Variants in LRRC37A2 observed in about 807,000 individuals in gnomAD.
LRRC37A2 encodes the protein leucine rich repeat containing 37 member A2.
In LRRC37A2, 9 loss-of-function variants were observed where a neutral mutation model predicts 68.8. The observed-to-expected ratio is 0.13, with a 90% CI of 0.08 to 0.23. LRRC37A2 has a LOEUF of 0.23. Ranked by LOEUF, LRRC37A2 falls within the 10% of genes least tolerant of loss-of-function variation. The pLI, the probability that LRRC37A2 is intolerant of heterozygous loss-of-function variation, is 1.00. For synonymous variants in LRRC37A2, 63 were observed against 367.6 expected, an observed-to-expected ratio of 0.17 and a Z score of 9.48; for missense variants, 168 against 950.4, an observed-to-expected ratio of 0.18 and a Z score of 10.82.
At chr17:46,642,533 T>TAGA in the LRRC37A2 span, among the ~76,000 whole-genome samples, 4 of 129,852 alleles carry the variant, frequency 3.1e-5, no homozygotes, top group Non-Finnish European at 4.6e-5. Context: ...AAACATGAGT[T>TAGA]TTGTAATCAT....
the LRRC37A2 span, among the ~76,000 whole-genome samples, chr17:46,873,687 C>T: frequency 3.1e-4 from 47 of 152,094 alleles, no homozygotes; most frequent in African/African-American, 1.1e-3. Context: ...GATGAAACCC[C>T]GTCTCTACTA....
At chr17:47,029,052 G>A in the LRRC37A2 span, among the ~76,000 whole-genome samples, 2 of 152,048 alleles carry the variant, frequency 1.3e-5, no homozygotes, top group Admixed American at 6.5e-5. Flanking sequence ...GGTGGCGGGC[G>A]CCTGTGATCC....
At chr17:46,392,745 C>T in the LRRC37A2 span, among the ~76,000 whole-genome samples, 1 of 12,680 alleles carries the variant, frequency 7.9e-5, no homozygotes, top group Non-Finnish European at 1.7e-4. Flanking sequence ...ATCCCGTGTT[C>T]GTTCCTCCAT....
the LRRC37A2 span, among the ~76,000 whole-genome samples, chr17:46,870,402 G>A: frequency 1.3e-5 from 2 of 152,202 alleles, no homozygotes; most frequent in African/African-American, 4.8e-5. Context: ...TTCCTGCCAG[G>A]CTGCAGGGAG....
chr17:46,725,595 G>A, the LRRC37A2 span, among the ~76,000 whole-genome samples: 4 of 152,082 alleles, frequency 2.6e-5, no homozygotes, highest in African/African-American at 9.7e-5. Flanking sequence ...CATGAAAAAT[G>A]GTTAATATCA....
At chr17:46,767,737 C>CA in the LRRC37A2 span, among the ~76,000 whole-genome samples, 224 of 152,276 alleles carry the variant, frequency 1.5e-3, 1 homozygote, top group African/African-American at 5.1e-3. Context: ...AAATGTTAAT[C>CA]AATTGCTGGC....
At chr17:46,897,711 A>T in the LRRC37A2 span, among the ~76,000 whole-genome samples, 2 of 151,594 alleles carry the variant, frequency 1.3e-5, no homozygotes, top group Admixed American at 6.6e-5. Flanking sequence ...GCTGGTCTCG[A>T]ATTCCAGGGC....
the LRRC37A2 span, among the ~76,000 whole-genome samples, chr17:46,790,962 G>A: frequency 6.6e-6 from 1 of 152,218 alleles, no homozygotes; most frequent in African/African-American, 2.4e-5. Flanking sequence ...GCCCAGGCCT[G>A]ACTCCTCGTT....
At chr17:46,595,609 A>G in the LRRC37A2 span, among the ~76,000 whole-genome samples, 1 of 129,404 alleles carries the variant, frequency 7.7e-6, no homozygotes, top group Non-Finnish European at 1.5e-5. Flanking sequence ...CTCCCGCCTC[A>G]GCCTCCTGAG....
the LRRC37A2 span, among the ~76,000 whole-genome samples, chr17:46,781,889 G>T: frequency 1.3e-5 from 2 of 152,272 alleles, no homozygotes; most frequent in South Asian, 2.1e-4. Context: ...ATTTTCCGGG[G>T]TCACACAGCT....
chr17:46,785,993 TG>T, the LRRC37A2 span, among the ~76,000 whole-genome samples: 10 of 152,238 alleles, frequency 6.6e-5, no homozygotes, highest in Non-Finnish European at 1.5e-5. Context: ...TGTTGAAACC[TG>T]TAAAATGTTT....
the LRRC37A2 span, chr17:46,876,490 G>C: frequency 0.028 from 44,433 of 1,613,578 alleles, 3,233 homozygotes; most frequent in African/African-American, 0.28. Context: ...GGGACCTGGT[G>C]TACATGGAGG....
chr17:46,516,286 G>T (rs1165010536), intron 2 of LRRC37A2, among the ~76,000 whole-genome samples: 9 of 111,786 alleles, frequency 8.1e-5, no homozygotes, highest in Non-Finnish European at 1.2e-4. Context: ...CTGGGCGACA[G>T]AGCAAGACTC....
At chr17:46,797,169 C>T in the LRRC37A2 span, among the ~76,000 whole-genome samples, 9 of 152,200 alleles carry the variant, frequency 5.9e-5, no homozygotes, top group Non-Finnish European at 1.2e-4. Context: ...CTCCAAGTTG[C>T]CTGTGGCGAT....
the LRRC37A2 span, among the ~76,000 whole-genome samples, chr17:46,895,169 G>A: frequency 6.6e-6 from 1 of 152,242 alleles, no homozygotes; most frequent in Non-Finnish European, 1.5e-5. Context: ...CAGTCCCCAG[G>A]CATCGCCCTG....
chr17:46,902,417 G>C, the LRRC37A2 span, among the ~76,000 whole-genome samples: 7 of 152,074 alleles, frequency 4.6e-5, no homozygotes, highest in Non-Finnish European at 8.8e-5. Context: ...CATAAGATGA[G>C]ATATTCAGAG....
chr17:46,638,870 C>T, the LRRC37A2 span, among the ~76,000 whole-genome samples: 2 of 51,086 alleles, frequency 3.9e-5, no homozygotes, highest in Non-Finnish European at 6.3e-5. Flanking sequence ...AGCTAAGGGA[C>T]ATAGTTGAGA....
At chr17:46,825,861 T>A in the LRRC37A2 span, among the ~76,000 whole-genome samples, 1 of 152,168 alleles carries the variant, frequency 6.6e-6, no homozygotes, top group African/African-American at 2.4e-5. Context: ...CTGTCTCTAC[T>A]AAAAATACAA....
At chr17:46,488,477 C>T in the LRRC37A2 span, among the ~76,000 whole-genome samples, 66 of 67,300 alleles carry the variant, frequency 9.8e-4, no homozygotes, top group Non-Finnish European at 2.5e-4. Flanking sequence ...GAGGCTGAGG[C>T]GGGCGGATCA....
Sources: gnomAD v4.1 joint callset for allele counts (sites outside exome capture counted in the v4.1 genomes callset) on GRCh38, gnomAD v4.1.1 for gene constraint, MANE v1.5 for transcripts, NCBI Gene and HGNC (gene_info 2026-07-23, HGNC 2026-07-21) for gene names.